Variants in ZNF385D observed in about 807,000 individuals in gnomAD.
The protein encoded by ZNF385D is zinc finger protein 659.
ZNF385D carries 15 observed loss-of-function variants against 35.8 expected under a neutral mutation model. The observed-to-expected ratio is 0.42, with a 90% CI of 0.28 to 0.64. The LOEUF is 0.64. Among genes scored for constraint, ZNF385D ranks in the 30% least tolerant of loss-of-function variants. ZNF385D has a pLI of 0.23. For missense variants in ZNF385D, 474 were observed against 494.6 expected (o/e 0.96, Z 0.39); for synonymous variants, 212 against 186.8 (o/e 1.13, Z -1.10).
chr3:21,641,049 T>A (rs2065590371), intron 2 of ZNF385D, among the ~76,000 whole-genome samples: 1 of 152,072 alleles, frequency 6.6e-6, no homozygotes, highest in Admixed American at 6.6e-5. Context: ...ACCAAGACTG[T>A]CTGGATGCCC....
intron 3 of ZNF385D, among the ~76,000 whole-genome samples, chr3:21,518,984 A>AT (rs1707749679): frequency 6.6e-6 from 1 of 152,156 alleles, no homozygotes; most frequent in Non-Finnish European, 1.5e-5. Flanking sequence ...ATTCACTCGC[A>AT]TTTTTTCCCG....
chr3:21,493,705 C>T lies in ZNF385D; in HGVS notation c.439+17156G>A, dbSNP rs934764790. 2.0e-5 allele frequency among the ~76,000 whole-genome samples: 3 copies of T among 151,788 alleles called. No individual in the cohort carries two copies. The South Asian group carries it at 6.2e-4, about 32-fold the overall frequency. ...TCTTGAACTCCTAGTCTCAAGCAATCCTCCCATCTCTGCTCCCAAAGTGTT... is the reference window on the plus strand; with the variant it reads ...TCTTGAACTCCTAGTCTCAAGCAATTCTCCCATCTCTGCTCCCAAAGTGTT... On this transcript the variant is annotated intron_variant, in intron 4 of 7. Transcript: ENST00000281523.
At position 21,628,421 on chromosome 3, in the gene ZNF385D, A is replaced by AC. The variant is rs556140379; in HGVS notation, c.165+36464dup. ...TAGTCTGCCACTAACTGATTGTGTTACCTTAGGCAAGTCATTTTTATTCAT... is the reference window on the plus strand; with the variant it reads ...TAGTCTGCCACTAACTGATTGTGTTACCCTTAGGCAAGTCATTTTTATTCAT... On this transcript the variant is annotated intron_variant, in intron 2 of 7. Coordinates refer to ENST00000281523, the MANE Select transcript of ZNF385D (RefSeq NM_024697.3). Among the ~76,000 whole-genome samples, 360 of 152,202 alleles carry AC rather than the reference A, an allele frequency of 2.4e-3. 2 individuals are homozygous for AC. The highest frequency in any genetic ancestry group is 8.4e-3 in the African/African-American group (350 of 41,552).
intron 3 of ZNF385D, among the ~76,000 whole-genome samples, chr3:21,951,657 C>T (rs150584228): frequency 5.9e-5 from 9 of 151,718 alleles, no homozygotes; most frequent in Admixed American, 3.3e-4. Context: ...CATGACAATG[C>T]TTTGCTTCTT....
intron 3 of ZNF385D, among the ~76,000 whole-genome samples, chr3:21,890,138 A>G (rs998836590): frequency 2.0e-5 from 3 of 152,164 alleles, no homozygotes; most frequent in African/African-American, 7.2e-5. Context: ...GGGAGATGCA[A>G]TTCAACCCAT....
At chr3:21,983,071 C>T (rs868292278) in intron 3 of ZNF385D, among the ~76,000 whole-genome samples, 15 of 151,516 alleles carry the variant, frequency 9.9e-5, no homozygotes, top group Admixed American at 2.6e-4. Context: ...TGTGTCTTTG[C>T]CAGGTTTGGG....
intron 1 of ZNF385D, among the ~76,000 whole-genome samples, chr3:21,744,840 C>G (rs970411569): frequency 7.1e-6 from 1 of 140,268 alleles, no homozygotes; most frequent in Non-Finnish European, 1.6e-5. Context: ...CTTACTAGGA[C>G]TTGGGTTAAA....
chr3:21,622,756 C>G (rs1332920569), intron 2 of ZNF385D, among the ~76,000 whole-genome samples: 1 of 151,974 alleles, frequency 6.6e-6, no homozygotes, highest in Non-Finnish European at 1.5e-5. Context: ...TTTGCTTAAT[C>G]ATCAATTTAT....
chr3:21,813,406 G>A (rs1049541215), intron 3 of ZNF385D, among the ~76,000 whole-genome samples: 5 of 152,184 alleles, frequency 3.3e-5, no homozygotes, highest in African/African-American at 1.2e-4. Flanking sequence ...ACTTCTCCGA[G>A]CTAAAGGAGG....
At chr3:22,086,037 T>C (rs868712461) in intron 3 of ZNF385D, among the ~76,000 whole-genome samples, 10 of 152,316 alleles carry the variant, frequency 6.6e-5, no homozygotes, top group Admixed American at 6.5e-4. Flanking sequence ...AAATTAGGTG[T>C]TGATGGCACA....
In ZNF385D at chr3:22,166,035, T is replaced by A. The variant is rs1280277006; in HGVS notation, c.325+2782A>T. Among the ~76,000 whole-genome samples, 3 of 152,318 alleles carry A rather than the reference T, an allele frequency of 2.0e-5. No individual in the cohort carries two copies. In the East Asian group the frequency reaches 5.8e-4, roughly 29 times the overall value. On this transcript the variant is annotated intron_variant, in intron 3 of 5. Transcript: ENST00000494108. ...TGGCTCCAGGATCTCCCCTAATTCC[T>A]AGTCACCAAGACTTGGCCCTGATCC... is the stretch of plus-strand genomic sequence containing the variant.
At chr3:22,226,137 A>T (rs55830690) in intron 2 of ZNF385D, among the ~76,000 whole-genome samples, 2,250 of 152,276 alleles carry the variant, frequency 0.015, 36 homozygotes, top group Non-Finnish European at 0.02. Context: ...AAAAAAAAAA[A>T]GTTAGCTAAG....
chr3:21,457,343 T>TGTC (rs931960179), intron 4 of ZNF385D, among the ~76,000 whole-genome samples: 6 of 92,794 alleles, frequency 6.5e-5, no homozygotes, highest in African/African-American at 1.8e-4. Flanking sequence ...TATTTGTTGT[T>TGTC]GTCGTTGTTG....
chr3:21,510,177 T>A (rs1707095512), intron 4 of ZNF385D, among the ~76,000 whole-genome samples: 1 of 152,160 alleles, frequency 6.6e-6, no homozygotes. Flanking sequence ...TGGTCTTATA[T>A]TTAAAATGTC....
intron 1 of ZNF385D, among the ~76,000 whole-genome samples, chr3:21,692,925 T>C (rs1447694981): frequency 1.3e-5 from 2 of 152,196 alleles, no homozygotes; most frequent in African/African-American, 4.8e-5. Context: ...CTTCCTCCAA[T>C]ATACTGCTCA....
chr3:22,195,107 TG>T (rs1437920169), intron 2 of ZNF385D, among the ~76,000 whole-genome samples: 2 of 151,936 alleles, frequency 1.3e-5, no homozygotes, highest in African/African-American at 4.8e-5. Context: ...GAGTTCCAAT[TG>T]CTCCCCATTG....
intron 2 of ZNF385D, among the ~76,000 whole-genome samples, chr3:22,347,427 T>C (rs1040909861): frequency 7.2e-5 from 11 of 152,160 alleles, no homozygotes; most frequent in African/African-American, 2.4e-4. Flanking sequence ...AATAGTTAAC[T>C]GTACTTGATC....
Position 21,465,399 on chromosome 3 carries a change from A to C in ZNF385D, c.440-28196T>G, listed in dbSNP as rs1308789726. Among the ~76,000 whole-genome samples the C allele has an allele frequency of 6.6e-6, 1 of 152,200 alleles. No individual in the cohort carries two copies. The highest frequency in any genetic ancestry group is 1.5e-5 in the Non-Finnish European group (1 of 68,026). On this transcript the variant is annotated intron_variant, in intron 4 of 7. Coordinates refer to ENST00000281523, the MANE Select transcript of ZNF385D (RefSeq NM_024697.3). This position sits in a 1 kb window ranked among gnomAD's most constrained non-coding sequence, Gnocchi z 4.2. Reference sequence around the variant, plus strand: ...TTAATTTGAAATACTTTCTCTTTTCAAGATCAGTTGGAAGAGAAAGTTTCT... The same window carrying C: ...TTAATTTGAAATACTTTCTCTTTTCCAGATCAGTTGGAAGAGAAAGTTTCT...
At chr3:21,641,002 A>G (rs3936575) in intron 2 of ZNF385D, among the ~76,000 whole-genome samples, 112,513 of 151,930 alleles carry the variant, frequency 0.74, 41,951 homozygotes, top group Admixed American at 0.78. Context: ...TTAGAGTCTA[A>G]ATGCCCTAAG....
Sources: gnomAD v4.1 joint callset for allele counts (sites outside exome capture counted in the v4.1 genomes callset) on GRCh38, gnomAD v4.1.1 for gene constraint, Gnocchi (gnomAD v3.1) non-coding constraint, MANE v1.5 for transcripts, NCBI Gene and HGNC (gene_info 2026-07-23, HGNC 2026-07-21) for gene names.